The following KIT variants were observed in gnomAD, a reference collection of about 807,000 sequenced individuals.
KIT encodes the protein KIT proto-oncogene, receptor tyrosine kinase, also known as mast/stem cell growth factor receptor Kit.
Under a neutral mutation model 105.7 loss-of-function variants are expected in KIT, and 16 were observed. The observed-to-expected ratio is 0.15, with a 90% CI of 0.10 to 0.23. KIT has a LOEUF of 0.23. KIT is among the 10% of genes least tolerant of loss of function. KIT has a pLI of 1.00. For synonymous variants in KIT, 438 were observed against 441.1 expected (o/e 0.99, Z 0.09); for missense variants, 858 against 1,213.8 (o/e 0.71, Z 4.36).
At chr4:54,707,038 G>GT (rs1720831720) in intron 5 of KIT, 60 bp from the exon 6 acceptor site, 8 of 963,942 alleles carry the variant, frequency 8.3e-6, no homozygotes, top group East Asian at 2.5e-5. Context: ...ATGAGGTTCT[G>GT]TTTTTTTGTC....
At chr4:54,702,348 T>G (rs1720506732) in intron 4 of KIT, among the ~76,000 whole-genome samples, 1 of 152,152 alleles carries the variant, frequency 6.6e-6, no homozygotes, top group South Asian at 2.1e-4. Flanking sequence ...TTTCATAATG[T>G]AATTAACATA....
chr4:54,661,851 A>G (rs1717296196), intron 1 of KIT, among the ~76,000 whole-genome samples: 1 of 152,178 alleles, frequency 6.6e-6, no homozygotes, highest in African/African-American at 2.4e-5. Flanking sequence ...ATAGAGAGGA[A>G]TTGAGTTGAG....
chr4:54,681,716 TATTCTA>T (rs375716613), intron 1 of KIT, among the ~76,000 whole-genome samples: 166 of 152,238 alleles, frequency 1.1e-3, no homozygotes, highest in African/African-American at 3.8e-3. Flanking sequence ...TTTAGGTCCT[TATTCTA>T]ATTCTGTGTC....
intron 5 of KIT, among the ~76,000 whole-genome samples, chr4:54,704,681 A>G (rs1178539620): frequency 3.9e-5 from 6 of 152,116 alleles, no homozygotes; most frequent in African/African-American, 7.2e-5. Flanking sequence ...TTTGTTTACA[A>G]TTTTTTTGTC....
At chr4:54,724,974 G>A (rs767420392) in intron 8 of KIT, among the ~76,000 whole-genome samples, 32 of 152,138 alleles carry the variant, frequency 2.1e-4, no homozygotes, top group Non-Finnish European at 3.4e-4. Context: ...TAGGGAAGTC[G>A]GGGTCTGGCT....
At chr4:54,686,998 C>T (rs562220847) in intron 1 of KIT, among the ~76,000 whole-genome samples, 2 of 152,214 alleles carry the variant, frequency 1.3e-5, no homozygotes, top group East Asian at 3.9e-4. Flanking sequence ...TTGGAGGTAC[C>T]ACTGGTTTGA....
At chr4:54,672,677 C>T (rs905573946) in intron 1 of KIT, among the ~76,000 whole-genome samples, 14 of 152,168 alleles carry the variant, frequency 9.2e-5, no homozygotes, top group African/African-American at 3.1e-4. Context: ...TGGCTATACT[C>T]ATTTTTCAGA....
At chr4:54,720,282 C>T (rs941403391) in intron 7 of KIT, among the ~76,000 whole-genome samples, 1 of 152,120 alleles carries the variant, frequency 6.6e-6, no homozygotes, top group Non-Finnish European at 1.5e-5. Context: ...AACCTAAGGC[C>T]AGCAGGACAA....
intron 5 of KIT, among the ~76,000 whole-genome samples, chr4:54,705,276 C>A (rs1017847409): frequency 3.7e-4 from 56 of 152,214 alleles, no homozygotes; most frequent in African/African-American, 1.3e-3. Context: ...GCTGTGAAAC[C>A]TGAATCTGGT....
intron 7 of KIT, among the ~76,000 whole-genome samples, chr4:54,713,425 A>C (rs1483120118): frequency 6.6e-6 from 1 of 152,156 alleles, no homozygotes; most frequent in Non-Finnish European, 1.5e-5. Flanking sequence ...GGCCTTTTTG[A>C]CATCATTTTA....
At chr4:54,726,133 T>C (rs1313225868) in intron 9 of KIT, 83 bp downstream of exon 9, 11 of 1,127,268 alleles carry the variant, frequency 9.8e-6, no homozygotes, top group East Asian at 9.7e-5. Flanking sequence ...CATTCCAACA[T>C]TGACCATGTC....
intron 7 of KIT, among the ~76,000 whole-genome samples, chr4:54,718,354 A>G (rs2109744710): frequency 6.6e-6 from 1 of 152,294 alleles, no homozygotes. Flanking sequence ...TGCTGGGATT[A>G]CAAGCGTGAG....
Position 54,733,490 on chromosome 4 carries a change from A to G in KIT, c.2484+298A>G, listed in dbSNP as rs1124007. 45,695 of 335,540 alleles carry G rather than the reference A, an allele frequency of 0.14. 5,180 individuals are homozygous for G. The highest frequency in any genetic ancestry group is 0.4 in the African/African-American group (18,727 of 46,566). 20.8% of individuals were successfully genotyped at this position (335,540 alleles called of 1,614,324 possible). A position where few individuals can be genotyped will look rare whatever the true frequency, so the allele number is the denominator to read the frequency against. ...ATAGCAATGAACTTGATTTTGCTCA[A>G]GTGTAACAAATGTAGGTCATTGAAG... On this transcript the variant is annotated intron_variant, in intron 17 of 20. Coordinates refer to ENST00000288135, the MANE Select transcript of KIT (RefSeq NM_000222.3).
Position 54,738,670 on chromosome 4 carries a change from A to G in KIT, c.*113A>G. The G allele has an allele frequency of 1.5e-6, 2 of 1,300,110 alleles. No individual in the cohort carries two copies. Among genetic ancestry groups the G allele is most frequent in the Non-Finnish European group, 1.1e-6 (1 of 908,026 alleles). 80.5% of individuals were successfully genotyped at this position (1,300,110 alleles called of 1,614,324 possible). ...CCAACTCCAGGATAGTGGGCACCCC[A>G]CTGCAATCCTGTCTTTCTGAGCACA... On this transcript the variant is annotated 3_prime_UTR_variant, in exon 21 of 21. Transcript: ENST00000288135.
At chr4:54,704,298 C>T (rs971851598) in intron 5 of KIT, among the ~76,000 whole-genome samples, 1 of 152,282 alleles carries the variant, frequency 6.6e-6, no homozygotes, top group South Asian at 2.1e-4. Context: ...GGGCTGTGCC[C>T]CTTGGTTTAT....
At chr4:54,659,056 C>T (rs1005501625) in intron 1 of KIT, among the ~76,000 whole-genome samples, 4 of 152,134 alleles carry the variant, frequency 2.6e-5, no homozygotes, top group African/African-American at 9.7e-5. Flanking sequence ...TTCCCGGTGT[C>T]TGCGACCTGT....
intron 1 of KIT, among the ~76,000 whole-genome samples, chr4:54,676,992 A>G (rs1220510476): frequency 6.6e-6 from 1 of 152,038 alleles, no homozygotes; most frequent in Non-Finnish European, 1.5e-5. Flanking sequence ...GCTTGTTCGA[A>G]CTTATCACAT....
chr4:54,718,511 TA>T (rs1721645960), intron 7 of KIT, among the ~76,000 whole-genome samples: 1 of 152,224 alleles, frequency 6.6e-6, no homozygotes, highest in African/African-American at 2.4e-5. Flanking sequence ...AGGAAAGTTT[TA>T]TTGAAAACAG....
At chr4:54,677,559 G>C (rs778176079) in intron 1 of KIT, among the ~76,000 whole-genome samples, 2 of 152,146 alleles carry the variant, frequency 1.3e-5, no homozygotes, top group Admixed American at 1.3e-4. Flanking sequence ...CTCTTTCCTC[G>C]GGGCTTCCAA....
Sources: allele counts gnomAD v4.1 joint callset (sites outside exome capture counted in the v4.1 genomes callset), GRCh38; gene constraint gnomAD v4.1.1; transcripts MANE v1.5; gene names NCBI Gene and HGNC (gene_info 2026-07-23, HGNC 2026-07-21).